Variants in ZYG11B observed in about 807,000 individuals in gnomAD.
ZYG11B encodes zyg-11 family member B, cell cycle regulator, also known as protein zyg-11 homolog B.
A neutral mutation model predicts 82.4 loss-of-function variants in ZYG11B; 36 were observed. The ratio of observed to expected loss-of-function variants is 0.44; its 90% CI spans 0.33 to 0.58. The LOEUF (loss-of-function observed/expected upper bound fraction) is 0.58, where lower values mean the gene tolerates loss of function less well. Among genes scored for constraint, ZYG11B ranks in the 20% least tolerant of loss-of-function variants. ZYG11B has a pLI of 0.02. For missense variants in ZYG11B, 552 were observed against 895.6 expected (o/e 0.62, Z 4.90); for synonymous variants, 303 against 312.8 (o/e 0.97, Z 0.33).
chr1:52,816,760 G>A (rs1472716417), intron 13 of ZYG11B, 131 bp downstream of exon 13: 4 of 590,256 alleles, frequency 6.8e-6, no homozygotes, highest in African/African-American at 4.0e-5. Context: ...GGCCATCTTA[G>A]GTTATAAACT....
intron 1 of ZYG11B, among the ~76,000 whole-genome samples, chr1:52,728,122 G>A (rs1644300057): frequency 6.6e-6 from 1 of 152,104 alleles, no homozygotes; most frequent in African/African-American, 2.4e-5. Context: ...GGTAGCAACC[G>A]TTCCTTACTT....
rs767864048 is a variant in ZYG11B at position 52,821,443 on chromosome 1, A to G, written c.2049A>G (p.Ser683=). The change falls in exon 14 of 14, where the codon TCA becomes TCG. Residue 683 remains serine, a synonymous_variant. Coordinates refer to ENST00000294353, the MANE Select transcript of ZYG11B (RefSeq NM_024646.3). ...AMQHVCSKNP[S]RYCSMLIEEG... The stretch of plus-strand genomic sequence containing the variant: ...GTGTTTTTTTTTCTTTTTCAGCTTC[A>G]AGGTATTGCAGCATGCTGATTGAAG... 1.6e-5 allele frequency: 24 copies of G among 1,526,470 alleles called. No individual in the cohort carries two copies. The highest frequency in any genetic ancestry group is 2.0e-5 in the Non-Finnish European group (23 of 1,131,396). The allele number at this position is 1,526,470 out of a possible 1,614,324, so 94.6% of individuals were successfully genotyped here. A position where few individuals can be genotyped will look rare whatever the true frequency, so the allele number is the denominator to read the frequency against.
chr1:52,809,353 TA>T (rs751828148), intron 10 of ZYG11B, among the ~76,000 whole-genome samples: 36 of 152,190 alleles, frequency 2.4e-4, no homozygotes, highest in Non-Finnish European at 4.1e-4. Context: ...CAGGCCCTGG[TA>T]ACCACCATTC....
chr1:52,794,090 T>C (rs2149953081), intron 6 of ZYG11B, among the ~76,000 whole-genome samples: 1 of 152,130 alleles, frequency 6.6e-6, no homozygotes, highest in East Asian at 1.9e-4. Context: ...TTCTCCTGCC[T>C]CAGCCTCCCG....
chr1:52,752,015 A>G (rs1050244562), intron 1 of ZYG11B, among the ~76,000 whole-genome samples: 1 of 151,676 alleles, frequency 6.6e-6, no homozygotes, highest in African/African-American at 2.4e-5. Flanking sequence ...AGCAGACATC[A>G]ATTGGGTGCC....
At chr1:52,764,323 T>G (rs891725302) in intron 2 of ZYG11B, among the ~76,000 whole-genome samples, 9 of 150,794 alleles carry the variant, frequency 6.0e-5, no homozygotes, top group Admixed American at 4.0e-4. Flanking sequence ...TTAGTAGAGA[T>G]AGGGTTTCGC....
chr1:52,747,497 T>C (rs2149924941), intron 1 of ZYG11B, among the ~76,000 whole-genome samples: 1 of 152,228 alleles, frequency 6.6e-6, no homozygotes, highest in East Asian at 1.9e-4. Flanking sequence ...TTAACAGACC[T>C]GGGTTTGTAT....
chr1:52,796,699 C>G (rs1011843051), intron 7 of ZYG11B, 35 bp from the exon 8 acceptor site: 5 of 1,569,486 alleles, frequency 3.2e-6, no homozygotes, highest in Non-Finnish European at 4.3e-6. Flanking sequence ...TTAATGAGTT[C>G]TTGGACATTG....
intron 6 of ZYG11B, among the ~76,000 whole-genome samples, chr1:52,793,950 C>CTTCCT (rs549919616): frequency 1.3e-4 from 18 of 138,554 alleles, no homozygotes; most frequent in Admixed American, 1.0e-3. Context: ...CTTCCTTTCC[C>CTTCCT]TTCCTTTCCT....
chr1:52,809,854 T>C (rs1057347555), intron 10 of ZYG11B, among the ~76,000 whole-genome samples: 1 of 152,188 alleles, frequency 6.6e-6, no homozygotes, highest in Non-Finnish European at 1.5e-5. Context: ...CATTTTTAAA[T>C]TGGGTTGTTT....
chr1:52,812,766 TCC>T (rs982550631), intron 10 of ZYG11B, among the ~76,000 whole-genome samples: 1 of 149,254 alleles, frequency 6.7e-6, no homozygotes, highest in African/African-American at 2.5e-5. Context: ...TCACTCTGTC[TCC>T]CAGGCTGGAG....
chr1:52,807,568 T>C (rs1291896864), intron 10 of ZYG11B, among the ~76,000 whole-genome samples: 1 of 149,582 alleles, frequency 6.7e-6, no homozygotes, highest in Non-Finnish European at 1.5e-5. Flanking sequence ...CTCAGCTCAC[T>C]GCAGCCTCGA....
Position 52,796,300 on chromosome 1 carries a change from CA to C in ZYG11B, c.1344del (p.Ala449ProfsTer52). 1 of 1,613,244 alleles carries C rather than the reference CA, an allele frequency of 6.2e-7. No homozygotes were observed. Among genetic ancestry groups the C allele is most frequent in the East Asian group, 2.2e-5 (1 of 44,822 alleles). ...CCTTTTTGTGTTTTCAGGTTTGAAG[CA>C]GCCAAGCTTGTCATGCAGTGGCTTT... The part of the protein sequence containing the change: ...LQDVPFNRFE[A>X]AKLVMQWLCN... On this transcript the variant is annotated frameshift_variant, in exon 7 of 14. Coordinates refer to ENST00000294353, the MANE Select transcript of ZYG11B (RefSeq NM_024646.3). LOFTEE classifies it high-confidence loss of function.
chr1:52,798,231 A>G (rs570601422), intron 8 of ZYG11B, among the ~76,000 whole-genome samples: 1 of 152,318 alleles, frequency 6.6e-6, no homozygotes, highest in Admixed American at 6.5e-5. Flanking sequence ...GCCCTGACCT[A>G]GGAGTCAGAT....
intron 1 of ZYG11B, among the ~76,000 whole-genome samples, chr1:52,733,529 C>T (rs574252923): frequency 7.2e-5 from 11 of 152,046 alleles, no homozygotes; most frequent in South Asian, 2.1e-4. Flanking sequence ...AAAAAATTAG[C>T]GCACATCTGG....
At chr1:52,776,229 A>AAATATATATATATATATATATATATAT in intron 3 of ZYG11B, among the ~76,000 whole-genome samples, 4 of 23,544 alleles carry the variant, frequency 1.7e-4, no homozygotes, top group Non-Finnish European at 4.6e-4. Flanking sequence ...TAAAAAAAAA[A>AAATATATATATATATATATATATATAT]ATATATATAT....
At chr1:52,820,160 C>T (rs796740109) in intron 13 of ZYG11B, among the ~76,000 whole-genome samples, 22 of 151,466 alleles carry the variant, frequency 1.5e-4, no homozygotes, top group African/African-American at 3.4e-4. Flanking sequence ...GTTATCTGCT[C>T]GCCTCGGCCT....
chr1:52,744,359 A>G (rs2149923207), intron 1 of ZYG11B, among the ~76,000 whole-genome samples: 1 of 152,316 alleles, frequency 6.6e-6, no homozygotes, highest in Non-Finnish European at 1.5e-5. Context: ...CTCTATGATC[A>G]CACAATGACA....
intron 1 of ZYG11B, among the ~76,000 whole-genome samples, chr1:52,733,364 G>A (rs1558114543): frequency 6.6e-6 from 1 of 151,970 alleles, no homozygotes; most frequent in Non-Finnish European, 1.5e-5. Context: ...TATATTTTTT[G>A]TATAGTTTTT....
Sources: allele counts gnomAD v4.1 joint callset (sites outside exome capture counted in the v4.1 genomes callset), GRCh38; gene constraint gnomAD v4.1.1; transcripts MANE v1.5; gene names NCBI Gene and HGNC (gene_info 2026-07-23, HGNC 2026-07-21).